Variants in PARP12 observed in about 807,000 individuals in gnomAD.
PARP12 encodes the protein poly(ADP-ribose) polymerase family member 12.
Under a neutral mutation model 72.4 loss-of-function variants are expected in PARP12, and 59 were observed. The observed-to-expected ratio is 0.81, with a 90% CI of 0.66 to 1.01. PARP12 has a LOEUF of 1.01. Among genes scored for constraint, PARP12 ranks in the 50% least tolerant of loss-of-function variants. PARP12 has a pLI of 0.00. For synonymous variants in PARP12, 403 were observed against 371.4 expected, an observed-to-expected ratio of 1.09 and a Z score of -0.98; for missense variants, 851 against 914.0, an observed-to-expected ratio of 0.93 and a Z score of 0.89.
intron 10 of PARP12, 105 bp from the exon 11 acceptor site, chr7:140,026,453 TG>T: frequency 1.4e-6 from 2 of 1,480,354 alleles, no homozygotes; most frequent in Admixed American, 4.0e-5. Flanking sequence ...AAAAGTGTCC[TG>T]GGACCAAGAG....
chr7:140,049,978 A>G (rs1200528179), intron 4 of PARP12, among the ~76,000 whole-genome samples: 3 of 152,148 alleles, frequency 2.0e-5, no homozygotes, highest in African/African-American at 7.2e-5. Flanking sequence ...TTGGCAGACA[A>G]AACACCACAT....
chr7:140,033,741 A>G, intron 8 of PARP12: 1 of 989,692 alleles, frequency 1.0e-6, no homozygotes, highest in Non-Finnish European at 1.2e-6. Context: ...GGCTCCTGGC[A>G]GCCATCTTGG....
At chr7:140,042,585 A>G (rs1816528377) in intron 5 of PARP12, among the ~76,000 whole-genome samples, 1 of 152,240 alleles carries the variant, frequency 6.6e-6, no homozygotes, top group African/African-American at 2.4e-5. Flanking sequence ...TGAGTACGGC[A>G]GGAGGCTGAA....
In PARP12 at chr7:140,034,451, A is replaced by G. The variant is rs1036960860; in HGVS notation, c.1325-120T>C. 1.1e-5 allele frequency: 9 copies of G among 813,510 alleles called. No individual in the cohort carries two copies. In the African/African-American group the frequency reaches 1.6e-4, roughly 14 times the overall value. The allele number at this position is 813,510 out of a possible 1,614,324, so 50.4% of individuals were successfully genotyped here. A position where few individuals can be genotyped will look rare whatever the true frequency, so the allele number is the denominator to read the frequency against. ...AAGCTTATCCAAATGTGTAAAACCC[A>G]GAATCAGTCTGTTAAAAATAGGGCC... On this transcript the variant is annotated intron_variant, in intron 7 of 11. Coordinates refer to ENST00000263549, the MANE Select transcript of PARP12 (RefSeq NM_022750.4).
intron 5 of PARP12, among the ~76,000 whole-genome samples, chr7:140,045,859 T>C (rs1000255674): frequency 6.6e-6 from 1 of 152,108 alleles, no homozygotes; most frequent in Non-Finnish European, 1.5e-5. Context: ...GTTTGCCCAT[T>C]TGGAGGGTGA....
chr7:140,061,513 TCTC>T (rs1817443636), intron 1 of PARP12, among the ~76,000 whole-genome samples: 1 of 151,968 alleles, frequency 6.6e-6, no homozygotes, highest in East Asian at 1.9e-4. Context: ...AGGAAGGAAT[TCTC>T]CTTGATGACT....
chr7:140,034,943 T>C (rs1410055205), intron 7 of PARP12, among the ~76,000 whole-genome samples: 1 of 152,092 alleles, frequency 6.6e-6, no homozygotes, highest in Non-Finnish European at 1.5e-5. Context: ...TCTCAAGTCT[T>C]ACATTTTTTT....
rs961178552 is a variant in PARP12 at position 140,043,382 on chromosome 7, T to C, written c.987-1543A>G. On this transcript the variant is annotated intron_variant, in intron 5 of 11. Coordinates refer to ENST00000263549, the MANE Select transcript of PARP12 (RefSeq NM_022750.4). ...ATGTTTTTTAAAAAGGAATTGAGCA[T>C]CAAAAGTATGAGTAAGAATCAAGAG... Among the ~76,000 whole-genome samples, 6 of 152,208 alleles carry C rather than the reference T, an allele frequency of 3.9e-5. 1 individual carries two copies. The highest frequency in any genetic ancestry group is 3.3e-4 in the Admixed American group (5 of 15,302).
intron 8 of PARP12, among the ~76,000 whole-genome samples, chr7:140,031,522 T>C (rs867247437): frequency 1.3e-5 from 2 of 152,242 alleles, no homozygotes; most frequent in African/African-American, 2.4e-5. Flanking sequence ...AGATTCCCAA[T>C]TGGCCATGCA....
chr7:140,038,758 C>A lies in PARP12; in HGVS notation c.1183-902G>T, dbSNP rs373963420. On this transcript the variant is annotated intron_variant, in intron 6 of 11. Coordinates refer to ENST00000263549, the MANE Select transcript of PARP12 (RefSeq NM_022750.4). ...AATTTTCCTGCTCCCCCTACTGCTACCATCCTAGTTCTCCTGGGTCACAAG... is the reference window on the plus strand; with the variant it reads ...AATTTTCCTGCTCCCCCTACTGCTAACATCCTAGTTCTCCTGGGTCACAAG... 3.9e-4 allele frequency among the ~76,000 whole-genome samples: 59 copies of A among 152,310 alleles called. No homozygotes were observed. The South Asian group carries it at 0.012, about 30-fold the overall frequency.
chr7:140,036,062 GAGAAGGAGGAGAAGGAGGAGAAGGAGA>G lies in PARP12; in HGVS notation c.1324+1626_1324+1652del, dbSNP rs1462326852. ...GAAGGAGGAGAAGGAGGAGAAGGAGGAGAAGGAGGAGAAGGAGGAGAAGGAGAAGAATTGTGCCCACTCAAATGGGCT... is the reference window on the plus strand; with the variant it reads ...GAAGGAGGAGAAGGAGGAGAAGGAGGAGAATTGTGCCCACTCAAATGGGCT... On this transcript the variant is annotated intron_variant, in intron 7 of 11. Transcript: ENST00000263549. Among the ~76,000 whole-genome samples, 35 of 143,766 alleles carry G rather than the reference GAGAAGGAGGAGAAGGAGGAGAAGGAGA, an allele frequency of 2.4e-4. 1 individual carries two copies. Among genetic ancestry groups the G allele is most frequent in the African/African-American group, 9.6e-4 (35 of 36,594 alleles). 94.3% of individuals were successfully genotyped at this position (143,766 alleles called of 152,430 possible).
chr7:140,028,551 TCA>T, intron 9 of PARP12, 60 bp downstream of exon 9: 1 of 1,411,552 alleles, frequency 7.1e-7, no homozygotes, highest in South Asian at 1.3e-5. Context: ...CACAGTCTGT[TCA>T]CACACACCCA....
intron 1 of PARP12, among the ~76,000 whole-genome samples, chr7:140,061,973 C>A (rs1817465641): frequency 1.5e-5 from 1 of 67,486 alleles, no homozygotes. Context: ...CCCAGGCTCC[C>A]AGAAATGCCC....
At chr7:140,031,227 G>A (rs528188663) in intron 8 of PARP12, among the ~76,000 whole-genome samples, 1 of 152,088 alleles carries the variant, frequency 6.6e-6, no homozygotes, top group South Asian at 2.1e-4. Context: ...AAAAAAATTA[G>A]CTGGGCATGG....
chr7:140,061,989 G>T (rs543361421), intron 1 of PARP12, among the ~76,000 whole-genome samples: 1 of 150,880 alleles, frequency 6.6e-6, no homozygotes, highest in Admixed American at 6.6e-5. Flanking sequence ...TGCCCGGGGG[G>T]GGGGGGGTGT....
At chr7:140,061,468 A>C (rs1219144335) in intron 1 of PARP12, among the ~76,000 whole-genome samples, 2 of 150,458 alleles carry the variant, frequency 1.3e-5, no homozygotes, top group East Asian at 3.8e-4. Context: ...CACACACACA[A>C]AACAGGGAGC....
intron 1 of PARP12, among the ~76,000 whole-genome samples, chr7:140,061,281 C>T (rs976889969): frequency 2.0e-5 from 3 of 152,170 alleles, no homozygotes; most frequent in Non-Finnish European, 4.4e-5. Flanking sequence ...TTTCGATCAG[C>T]CCCCTCGAAC....
At chr7:140,043,180 T>C (rs1231303009) in intron 5 of PARP12, among the ~76,000 whole-genome samples, 4 of 151,936 alleles carry the variant, frequency 2.6e-5, no homozygotes, top group African/African-American at 9.7e-5. Context: ...GGCGACAGAG[T>C]GAGACTCCAT....
At chr7:140,040,223 C>T (rs1282187513) in intron 6 of PARP12, among the ~76,000 whole-genome samples, 1 of 152,214 alleles carries the variant, frequency 6.6e-6, no homozygotes, top group Non-Finnish European at 1.5e-5. Context: ...CTCTCCCCCT[C>T]CTCCATGTCA....
Sources: allele counts gnomAD v4.1 joint callset (sites outside exome capture counted in the v4.1 genomes callset), GRCh38; gene constraint gnomAD v4.1.1; transcripts MANE v1.5; gene names NCBI Gene and HGNC (gene_info 2026-07-23, HGNC 2026-07-21).